Variants in RFX1 observed in about 807,000 individuals in gnomAD.
RFX1 encodes regulatory factor X1, also known as MHC class II regulatory factor RFX1.
RFX1 carries 42 observed loss-of-function variants against 119.6 expected under a neutral mutation model. The ratio of observed to expected loss-of-function variants is 0.35; its 90% CI spans 0.27 to 0.45. The LOEUF (loss-of-function observed/expected upper bound fraction) is 0.45, where lower values mean the gene tolerates loss of function less well. Ranked by LOEUF, RFX1 falls within the 20% of genes least tolerant of loss-of-function variation. RFX1 has a pLI of 1.00. For synonymous variants in RFX1, 628 were observed against 618.5 expected (o/e 1.02, Z -0.23); for missense variants, 1,118 against 1,368.1 (o/e 0.82, Z 2.88).
In RFX1 at chr19:13,970,029, G is replaced by A. The variant is rs924638101; in HGVS notation, c.1461C>T (p.Val487=). ...AASFGKLIRS[V]FMGLRTRRLG... is the part of the protein sequence containing the mutation. Reference sequence around the variant, plus strand: ...GACGGCGGGTTCGCAGGCCCATGAAGACGGAGCGGATGAGCTTGCCGAAGG... The same window carrying A: ...GACGGCGGGTTCGCAGGCCCATGAAAACGGAGCGGATGAGCTTGCCGAAGG... The change falls in exon 10 of 21, where the codon GTC becomes GTT. Residue 487 remains valine, a synonymous_variant. Transcript: ENST00000254325. The A allele has an allele frequency of 6.8e-6, 11 of 1,613,790 alleles. No individual in the cohort carries two copies. In the African/African-American group the frequency reaches 1.5e-4, roughly 22 times the overall value.
chr19:13,994,895 TATATATATA>T (rs1258798411), intron 1 of RFX1, among the ~76,000 whole-genome samples: 2 of 11,868 alleles, frequency 1.7e-4, no homozygotes, highest in African/African-American at 6.5e-4. Context: ...TATACATACA[TATATATATA>T]TATATATATA....
At chr19:13,974,547 G>A (rs1055088906) in intron 8 of RFX1, among the ~76,000 whole-genome samples, 2 of 152,144 alleles carry the variant, frequency 1.3e-5, no homozygotes, top group Admixed American at 6.6e-5. Flanking sequence ...ACCTAACACC[G>A]GGCAGATAAG....
At chr19:13,983,663 C>G (rs956820825) in intron 2 of RFX1, 68 bp from the exon 3 acceptor site, 1 of 1,358,842 alleles carries the variant, frequency 7.4e-7, no homozygotes, top group Admixed American at 2.0e-5. Context: ...CTGAGCCCCC[C>G]TGGAGGGGAA....
At chr19:14,004,529 C>A (rs926379890) in intron 1 of RFX1, among the ~76,000 whole-genome samples, 17 of 152,004 alleles carry the variant, frequency 1.1e-4, no homozygotes, top group Non-Finnish European at 1.5e-5. Flanking sequence ...TGCTGATGAT[C>A]CGTCTAGCAA....
chr19:14,001,188 CCTT>C (rs1326548000), intron 1 of RFX1, among the ~76,000 whole-genome samples: 1 of 152,358 alleles, frequency 6.6e-6, no homozygotes, highest in East Asian at 1.9e-4. Context: ...GGCTTCTCCT[CCTT>C]ATTCAGGTCT....
At chr19:13,982,268 A>G in intron 4 of RFX1, 40 bp from the exon 5 acceptor site, 1 of 1,163,900 alleles carries the variant, frequency 8.6e-7, no homozygotes. Context: ...ATCACTGATG[A>G]CAGCCCGTGC....
In RFX1 at chr19:13,970,005, A is replaced by G; in HGVS notation, c.1485T>C (p.Arg495=). ...ACGGATGGCCCTACCTGGTGCCCAG[A>G]CGGCGGGTTCGCAGGCCCATGAAGA... ...RSVFMGLRTR[R]LGTRGNSKYH... is the part of the protein sequence containing the mutation. The change falls in exon 10 of 21, where the codon CGT becomes CGC. Residue 495 remains arginine (R), a synonymous_variant. Coordinates refer to ENST00000254325, the MANE Select transcript of RFX1 (RefSeq NM_002918.5). The G allele has an allele frequency of 1.2e-6, 2 of 1,610,716 alleles. No homozygotes were observed. The highest frequency in any genetic ancestry group is 8.5e-7 in the Non-Finnish European group (1 of 1,178,164).
chr19:14,005,604 G>A (rs1229607220), intron 1 of RFX1, among the ~76,000 whole-genome samples: 1 of 152,196 alleles, frequency 6.6e-6, no homozygotes, highest in African/African-American at 2.4e-5. Flanking sequence ...CAAGTTCTGA[G>A]TCCTGGGACA....
chr19:14,002,234 G>A (rs1975240531), intron 1 of RFX1, among the ~76,000 whole-genome samples: 1 of 150,704 alleles, frequency 6.6e-6, no homozygotes, highest in South Asian at 2.1e-4. Flanking sequence ...AGAACTGCTT[G>A]AACCCAGGAG....
Position 13,963,000 on chromosome 19 carries a change from C to T in RFX1, c.2764G>A (p.Asp922Asn). Residue 922 changes from aspartate to asparagine, a missense_variant, in exon 20 of 21, where the codon GAC (aspartate) becomes AAC (asparagine). This residue lies in a region of RFX1 where 138 missense variants were observed against 117.8 expected (regional missense o/e 1.17). Transcript: ENST00000254325. ...LATSLNPLDP[D>N]KDEEEEEEEE... ...GGGAACACGCCTCGCCTACCTTTGT[C>T]GGGGTCCAGGGGGTTCAGGGAGGTG... 1.3e-6 allele frequency: 2 copies of T among 1,551,530 alleles called. No individual in the cohort carries two copies. The highest frequency in any genetic ancestry group is 2.4e-5 in the South Asian group (2 of 84,406).
chr19:13,999,201 G>T (rs1404362667), intron 1 of RFX1, among the ~76,000 whole-genome samples: 1 of 152,152 alleles, frequency 6.6e-6, no homozygotes, highest in Non-Finnish European at 1.5e-5. Context: ...ATTTGAGCGT[G>T]AGAACCCTTT....
chr19:13,971,227 G>A (rs373879997), intron 9 of RFX1, among the ~76,000 whole-genome samples: 2 of 151,790 alleles, frequency 1.3e-5, no homozygotes, highest in South Asian at 4.2e-4. Flanking sequence ...CCAGCTACTC[G>A]AGAGGCTGAG....
At chr19:13,979,378 G>A in intron 7 of RFX1, 69 bp downstream of exon 7, 1 of 1,072,430 alleles carries the variant, frequency 9.3e-7, no homozygotes, top group Non-Finnish European at 1.3e-6. Flanking sequence ...GGCCTCAGGG[G>A]CCTGCACTCC....
At chr19:13,984,614 C>T (rs1297768941) in intron 2 of RFX1, among the ~76,000 whole-genome samples, 1 of 152,154 alleles carries the variant, frequency 6.6e-6, no homozygotes, top group Admixed American at 6.5e-5. Context: ...ATCCCATCCC[C>T]TCCATGTGAC....
At chr19:13,982,792 G>C (rs1416159523) in intron 4 of RFX1, among the ~76,000 whole-genome samples, 1 of 152,178 alleles carries the variant, frequency 6.6e-6, no homozygotes, top group African/African-American at 2.4e-5. Context: ...ACTTTGTCCA[G>C]ATCTGCGCTG....
At chr19:13,974,270 G>T (rs1024556561) in intron 8 of RFX1, among the ~76,000 whole-genome samples, 1 of 152,164 alleles carries the variant, frequency 6.6e-6, no homozygotes. Context: ...GCTGTGATTG[G>T]AGAAGACCAT....
intron 1 of RFX1, among the ~76,000 whole-genome samples, chr19:13,994,719 ATG>A (rs35165719): frequency 0.26 from 32,422 of 125,660 alleles, 4,102 homozygotes; most frequent in African/African-American, 0.37. Flanking sequence ...CTAAATATAT[ATG>A]TGTGTGTGTG....
In RFX1 at chr19:13,973,011, G is replaced by A. The variant is rs143238251; in HGVS notation, c.1046C>T (p.Ala349Val). The stretch of plus-strand genomic sequence containing the variant: ...GGGCATGGAGCCACTGCTGGCCACC[G>A]CCTGGGAGGTGGCGGGGGTGCTGAC... The part of the protein sequence containing the change: ...TQVSTPATSQ[A>V]VASSGSMPMY... Residue 349 changes from alanine to valine, a missense_variant, in exon 9 of 21, where the codon GCG becomes GTG. Coordinates refer to ENST00000254325, the MANE Select transcript of RFX1 (RefSeq NM_002918.5). The A allele has an allele frequency of 6.4e-5, 103 of 1,600,926 alleles. No homozygotes were observed. The African/African-American group carries it at 1.0e-3, about 16-fold the overall frequency.
chr19:14,003,527 G>A (rs1364942185), intron 1 of RFX1, among the ~76,000 whole-genome samples: 2 of 152,178 alleles, frequency 1.3e-5, no homozygotes, highest in Non-Finnish European at 2.9e-5. Context: ...GGTTGAACAG[G>A]AAGCGACAAT....
Sources: gnomAD v4.1 joint callset for allele counts (sites outside exome capture counted in the v4.1 genomes callset) on GRCh38, gnomAD v4.1.1 for gene constraint, gnomAD v4.1.1 regional missense constraint, MANE v1.5 for transcripts, NCBI Gene and HGNC (gene_info 2026-07-23, HGNC 2026-07-21) for gene names.